The following GTF2IRD2B variants were observed in gnomAD, a reference collection of about 807,000 sequenced individuals.
GTF2IRD2B encodes the protein general transcription factor II-I repeat domain-containing protein 2B.
In GTF2IRD2B, 10 loss-of-function variants were observed where a neutral mutation model predicts 55.6. The observed-to-expected ratio is 0.18, with a 90% CI of 0.11 to 0.31. The LOEUF (loss-of-function observed/expected upper bound fraction) is 0.31, where lower values mean the gene tolerates loss of function less well. GTF2IRD2B is among the 10% of genes least tolerant of loss of function. The pLI is 1.00. For missense variants in GTF2IRD2B, 206 were observed against 802.7 expected (o/e 0.26, Z 8.98); for synonymous variants, 107 against 320.5 (o/e 0.33, Z 7.12).
intron 1 of GTF2IRD2B, among the ~76,000 whole-genome samples, chr7:75,102,771 A>C (rs1338652197): frequency 2.2e-4 from 34 of 151,826 alleles, no homozygotes; most frequent in Admixed American, 1.9e-3. Flanking sequence ...CAGCCTGGCC[A>C]ACATGATGAA....
chr7:75,145,832 T>C lies in GTF2IRD2B; in HGVS notation c.1246+1854T>C, dbSNP rs1297113406. Among the ~76,000 whole-genome samples, 17 of 128,948 alleles carry C rather than the reference T, an allele frequency of 1.3e-4. 1 individual carries two copies. Among genetic ancestry groups the C allele is most frequent in the Non-Finnish European group, 1.1e-4 (7 of 61,020 alleles). The allele number at this position is 128,948 out of a possible 152,430, so 84.6% of individuals were successfully genotyped here. ...ATTGCTAAATGATTTTTTGATCTTT[T>C]ATAATATCTTTATTTATTTATTGTA... On this transcript the variant is annotated intron_variant, in intron 15 of 15. Transcript: ENST00000472837.
intron 8 of GTF2IRD2B, among the ~76,000 whole-genome samples, chr7:75,127,468 CAAAAAAAA>C (rs71246071): frequency 1.5e-4 from 5 of 33,222 alleles, no homozygotes; most frequent in African/African-American, 5.3e-4. Context: ...GACGTTGTCT[CAAAAAAAA>C]AAAAAAAAAA....
chr7:75,092,867 C>T (rs1807292688), intron 1 of GTF2IRD2B, 102 bp downstream of exon 1: 1 of 152,834 alleles, frequency 6.5e-6, no homozygotes, highest in African/African-American at 2.4e-5. Flanking sequence ...AGGGAGGCCG[C>T]CCGGCCGCAG....
At chr7:75,121,589 G>A (rs1808369397) in intron 4 of GTF2IRD2B, among the ~76,000 whole-genome samples, 1 of 141,202 alleles carries the variant, frequency 7.1e-6, no homozygotes, top group Non-Finnish European at 1.6e-5. Flanking sequence ...CTCCTAAGTA[G>A]CTGGGATTAC....
chr7:75,113,998 T>C (rs1352359629), intron 3 of GTF2IRD2B, among the ~76,000 whole-genome samples: 1 of 149,112 alleles, frequency 6.7e-6, no homozygotes, highest in East Asian at 2.0e-4. Context: ...AGAGGAATTA[T>C]ATATATATAT....
At chr7:75,102,327 A>G (rs1199881772) in intron 1 of GTF2IRD2B, among the ~76,000 whole-genome samples, 2 of 151,562 alleles carry the variant, frequency 1.3e-5, no homozygotes, top group East Asian at 3.9e-4. Flanking sequence ...GAACATTTTC[A>G]TCACTCTGAA....
rs782203730 is a variant in GTF2IRD2B, at chr7:75,148,207, C to T, written c.1760C>T (p.Thr587Met). 14 of 1,613,628 alleles carry T rather than the reference C, an allele frequency of 8.7e-6. No homozygotes were observed. Among genetic ancestry groups the T allele is most frequent in the South Asian group, 4.4e-5 (4 of 91,052 alleles). ...GAACTTCTGGACACGGTGCCCATGA[C>T]GGGTACAAAATCTGGCAACGAGATC... Reference protein sequence around the residue: ...SEELLDTVPMTGTKSGNEIFL... With the variant: ...SEELLDTVPMMGTKSGNEIFL... The change falls in exon 16 of 16, where the codon ACG (threonine) becomes ATG (methionine). Residue 587 changes from threonine to methionine, a missense_variant. Coordinates refer to ENST00000472837, the MANE Select transcript of GTF2IRD2B (RefSeq NM_001003795.3).
At chr7:75,130,091 C>CCCTT (rs1554452782) in intron 8 of GTF2IRD2B, among the ~76,000 whole-genome samples, 5 of 77,518 alleles carry the variant, frequency 6.5e-5, no homozygotes, top group East Asian at 4.1e-4. Flanking sequence ...AATTTATTTT[C>CCCTT]TCTTTCTTTC....
chr7:75,103,172 G>A (rs1250582374), intron 1 of GTF2IRD2B, among the ~76,000 whole-genome samples: 11 of 152,138 alleles, frequency 7.2e-5, no homozygotes, highest in African/African-American at 2.4e-4. Flanking sequence ...CCGGCTACTC[G>A]GGAGGCTGAG....
chr7:75,123,929 G>T, intron 6 of GTF2IRD2B: 1 of 323,326 alleles, frequency 3.1e-6, no homozygotes, highest in South Asian at 2.6e-5. Flanking sequence ...CTTAGAGGAC[G>T]GGCCAATAGG....
At chr7:75,092,990 G>A (rs1253938281) in intron 1 of GTF2IRD2B, among the ~76,000 whole-genome samples, 1 of 151,676 alleles carries the variant, frequency 6.6e-6, no homozygotes, top group African/African-American at 2.4e-5. Flanking sequence ...GCCTTGCCGC[G>A]GGGGCAATGG....
chr7:75,120,242 A>G (rs1808323270), intron 3 of GTF2IRD2B, among the ~76,000 whole-genome samples: 1 of 81,312 alleles, frequency 1.2e-5, no homozygotes, highest in Non-Finnish European at 2.4e-5. Flanking sequence ...CTCTCTTCTG[A>G]CTAGACTGAT....
rs1453350519 is a variant in GTF2IRD2B, at chr7:75,120,922, T to A, written c.270T>A (p.Pro90=). The A allele has an allele frequency of 1.9e-6, 3 of 1,613,758 alleles. No homozygotes were observed. In the African/African-American group the frequency reaches 4.0e-5, roughly 22 times the overall value. ...CAGAGGGACTGTGTGAGGTGAAACC[T>A]CCCTGCCCTGTGAACGGGATGCAGG... ...CVAEGLCEVK[P]PCPVNGMQVH... Residue 90 remains proline (P), a synonymous_variant, in exon 4 of 16, where the codon CCT becomes CCA. Transcript: ENST00000472837.
intron 10 of GTF2IRD2B, among the ~76,000 whole-genome samples, chr7:75,135,349 G>C (rs1438828231): frequency 6.6e-6 from 1 of 151,812 alleles, no homozygotes; most frequent in African/African-American, 2.4e-5. Context: ...GTCCAGGCTG[G>C]TCTCGAACTC....
chr7:75,104,366 G>A (rs1554421496), intron 1 of GTF2IRD2B, among the ~76,000 whole-genome samples: 9 of 152,330 alleles, frequency 5.9e-5, no homozygotes, highest in South Asian at 2.1e-4. Context: ...TGATCCGCTC[G>A]CCTCAGCCTC....
At chr7:75,137,151 T>C (rs1808866531) in intron 11 of GTF2IRD2B, among the ~76,000 whole-genome samples, 1 of 150,186 alleles carries the variant, frequency 6.7e-6, no homozygotes, top group Non-Finnish European at 1.5e-5. Flanking sequence ...TGCAGTGAGC[T>C]GAGATCTCAC....
chr7:75,130,517 G>A (rs1459247029), intron 8 of GTF2IRD2B, among the ~76,000 whole-genome samples: 3 of 151,022 alleles, frequency 2.0e-5, no homozygotes, highest in South Asian at 2.1e-4. Flanking sequence ...TCTCGCTGTC[G>A]CCCAGACTGG....
chr7:75,106,008 CCA>C (rs1807790078), intron 1 of GTF2IRD2B, among the ~76,000 whole-genome samples: 2 of 152,424 alleles, frequency 1.3e-5, no homozygotes, highest in Admixed American at 6.5e-5. Flanking sequence ...TGTGGCCACA[CCA>C]CATTCAAGTG....
intron 1 of GTF2IRD2B, among the ~76,000 whole-genome samples, chr7:75,102,284 A>C (rs1807598724): frequency 6.6e-6 from 1 of 150,714 alleles, no homozygotes; most frequent in African/African-American, 2.4e-5. Flanking sequence ...TACAGGCGTG[A>C]GCCACTGTGC....
Sources: gnomAD v4.1 joint callset for allele counts (sites outside exome capture counted in the v4.1 genomes callset) on GRCh38, gnomAD v4.1.1 for gene constraint, MANE v1.5 for transcripts, NCBI Gene and HGNC (gene_info 2026-07-23, HGNC 2026-07-21) for gene names.